PRKN: variants seen among roughly 807,000 people sequenced by gnomAD.
The protein encoded by PRKN is parkin RBR E3 ubiquitin protein ligase, also known as E3 ubiquitin-protein ligase parkin.
A neutral mutation model predicts 59.5 loss-of-function variants in PRKN; 56 were observed. The observed-to-expected ratio is 0.94, with a 90% confidence interval of 0.76 to 1.18. The LOEUF (loss-of-function observed/expected upper bound fraction) is 1.18. PRKN is among the 50% of genes most tolerant of loss of function. The pLI, the probability that PRKN is intolerant of heterozygous loss-of-function variation, is 0.00. For missense variants in PRKN, 657 were observed against 596.4 expected (o/e 1.10, Z -1.06); for synonymous variants, 250 against 222.1 (o/e 1.13, Z -1.12).
chr6:161,748,135 C>T (rs1305803614), intron 7 of PRKN, among the ~76,000 whole-genome samples: 3 of 152,164 alleles, frequency 2.0e-5, no homozygotes, highest in East Asian at 3.9e-4. Context: ...TCCTTTTTTA[C>T]AACAGAATTG....
intron 6 of PRKN, among the ~76,000 whole-genome samples, chr6:161,882,546 G>T (rs1794977933): frequency 6.6e-6 from 1 of 152,322 alleles, no homozygotes. Context: ...TGGGGGCTCT[G>T]AGTTTGGGAG....
At chr6:162,474,241 T>G (rs1304814551) in intron 1 of PRKN, among the ~76,000 whole-genome samples, 1 of 152,200 alleles carries the variant, frequency 6.6e-6, no homozygotes, top group Non-Finnish European at 1.5e-5. Context: ...GCCAGCATAA[T>G]ACATCTTACT....
intron 7 of PRKN, among the ~76,000 whole-genome samples, chr6:161,601,316 T>C (rs1396730374): frequency 1.3e-5 from 2 of 152,132 alleles, no homozygotes; most frequent in African/African-American, 4.8e-5. Flanking sequence ...TCCCCATTGG[T>C]AGTGCTCCTA....
intron 6 of PRKN, among the ~76,000 whole-genome samples, chr6:161,938,493 T>C (rs1209438596): frequency 6.6e-6 from 1 of 152,242 alleles, no homozygotes; most frequent in Non-Finnish European, 1.5e-5. Context: ...AGGAGGCCTA[T>C]ATAGTAAATT....
At chr6:161,990,062 G>C (rs757634342) in intron 5 of PRKN, among the ~76,000 whole-genome samples, 3 of 152,048 alleles carry the variant, frequency 2.0e-5, no homozygotes, top group Non-Finnish European at 4.4e-5. Context: ...CACCACCCAG[G>C]AGCCCAAGGA....
At chr6:161,539,002 A>C (rs1389337323) in intron 9 of PRKN, among the ~76,000 whole-genome samples, 3 of 152,180 alleles carry the variant, frequency 2.0e-5, no homozygotes, top group African/African-American at 7.2e-5. Flanking sequence ...CTGCTTCTTC[A>C]TCATGCCATG....
chr6:161,682,525 G>A (rs1026416874), intron 7 of PRKN, among the ~76,000 whole-genome samples: 1 of 152,078 alleles, frequency 6.6e-6, no homozygotes, highest in South Asian at 2.1e-4. Context: ...GATCGGAGCT[G>A]GGGAAAGGCC....
chr6:161,827,419 T>G (rs1792289990), intron 6 of PRKN, among the ~76,000 whole-genome samples: 1 of 152,154 alleles, frequency 6.6e-6, no homozygotes, highest in South Asian at 2.1e-4. Flanking sequence ...TACATGTATC[T>G]ATATAACTGT....
intron 9 of PRKN, among the ~76,000 whole-genome samples, chr6:161,539,448 C>G (rs146030251): frequency 1.3e-5 from 2 of 148,750 alleles, no homozygotes; most frequent in African/African-American, 4.9e-5. Context: ...CGAGCCTTCA[C>G]GGAGTTGGTT....
intron 1 of PRKN, among the ~76,000 whole-genome samples, chr6:162,665,528 A>G (rs1269409923): frequency 6.6e-6 from 1 of 152,130 alleles, no homozygotes; most frequent in Non-Finnish European, 1.5e-5. Context: ...TCAGAGAAAT[A>G]AGATAGGACA....
chr6:162,318,938 G>A (rs1408381156), intron 2 of PRKN, among the ~76,000 whole-genome samples: 2 of 151,946 alleles, frequency 1.3e-5, no homozygotes, highest in African/African-American at 4.8e-5. Flanking sequence ...AGTGTATTAC[G>A]AAGCACTTGT....
In PRKN at chr6:162,375,453, C is replaced by G. The variant is rs6902139; in HGVS notation, c.171+67857G>C. Among the ~76,000 whole-genome samples the G allele has an allele frequency of 4.7e-3, 711 of 151,052 alleles. 7 individuals are homozygous for G. The highest frequency in any genetic ancestry group is 0.016 in the African/African-American group (667 of 41,106). ...TTTGTATTTGGTGTCTACAAAAGAGCCTTAACATGGTTTAATAAACATGTG... is the reference window on the plus strand; with the variant it reads ...TTTGTATTTGGTGTCTACAAAAGAGGCTTAACATGGTTTAATAAACATGTG... On this transcript the variant is annotated intron_variant, in intron 2 of 11. Transcript: ENST00000366898.
At chr6:161,859,655 T>C (rs1793811721) in intron 6 of PRKN, among the ~76,000 whole-genome samples, 1 of 151,446 alleles carries the variant, frequency 6.6e-6, no homozygotes, top group Non-Finnish European at 1.5e-5. Context: ...TTGTATGTCT[T>C]GTGACAAGAG....
chr6:162,407,031 C>G (rs746758619), intron 2 of PRKN, among the ~76,000 whole-genome samples: 54 of 152,210 alleles, frequency 3.5e-4, no homozygotes, highest in Non-Finnish European at 3.8e-4. Flanking sequence ...CGGACAGTTA[C>G]TAGATCATGT....
Position 161,401,611 on chromosome 6 carries a change from C to T in PRKN, c.1084-14734G>A, listed in dbSNP as rs549233450. On this transcript the variant is annotated intron_variant, in intron 9 of 11. Coordinates refer to ENST00000366898, the MANE Select transcript of PRKN (RefSeq NM_004562.3). The surrounding 1 kb of genome is among the most constrained non-coding windows in gnomAD (Gnocchi z 4.4). Reference sequence around the variant, plus strand: ...TTGGGCGACAAGAGCAAGATTCTGTCCCCACTCCCCACCAAAAAAAAAAAA... The same window carrying T: ...TTGGGCGACAAGAGCAAGATTCTGTTCCCACTCCCCACCAAAAAAAAAAAA... Among the ~76,000 whole-genome samples, 3 of 141,234 alleles carry T rather than the reference C, an allele frequency of 2.1e-5. No individual in the cohort carries two copies. The highest frequency in any genetic ancestry group is 7.6e-5 in the African/African-American group (3 of 39,380). The allele number at this position is 141,234 out of a possible 152,430, so 92.7% of individuals were successfully genotyped here.
intron 7 of PRKN, among the ~76,000 whole-genome samples, chr6:161,604,262 T>TA (rs1296612460): frequency 2.0e-5 from 3 of 152,194 alleles, no homozygotes; most frequent in East Asian, 3.9e-4. Context: ...TCTTGTAAAT[T>TA]AAAAAAAGCA....
chr6:162,668,648 A>G (rs1779199662), intron 1 of PRKN, among the ~76,000 whole-genome samples: 1 of 152,204 alleles, frequency 6.6e-6, no homozygotes, highest in Non-Finnish European at 1.5e-5. Context: ...ACAGCCACTC[A>G]AGAAGTTCCT....
chr6:161,958,186 A>G (rs1170027130), intron 6 of PRKN, among the ~76,000 whole-genome samples: 1 of 152,208 alleles, frequency 6.6e-6, no homozygotes, highest in Non-Finnish European at 1.5e-5. Context: ...GCTTGCATTT[A>G]TTTTAAAAAC....
chr6:161,975,242 C>T (rs571752489), intron 5 of PRKN, among the ~76,000 whole-genome samples: 7 of 152,068 alleles, frequency 4.6e-5, no homozygotes, highest in South Asian at 2.1e-4. Context: ...CCCGCCACCA[C>T]GCCTGGCCAA....
Sources: gnomAD v4.1 joint callset for allele counts (sites outside exome capture counted in the v4.1 genomes callset) on GRCh38, gnomAD v4.1.1 for gene constraint, Gnocchi (gnomAD v3.1) non-coding constraint, MANE v1.5 for transcripts, NCBI Gene and HGNC (gene_info 2026-07-23, HGNC 2026-07-21) for gene names.